SYN3: variants seen among roughly 807,000 people sequenced by gnomAD.
The protein encoded by SYN3 is synapsin III.
A neutral mutation model predicts 65.8 loss-of-function variants in SYN3; 35 were observed. The ratio of observed to expected loss-of-function variants is 0.53; its 90% CI spans 0.41 to 0.70. The LOEUF (loss-of-function observed/expected upper bound fraction) is 0.70. Among genes scored for constraint, SYN3 ranks in the 30% least tolerant of loss-of-function variants. The pLI, the probability that SYN3 is intolerant of heterozygous loss-of-function variation, is 0.00. For synonymous variants in SYN3, 270 were observed against 292.9 expected, an observed-to-expected ratio of 0.92 and a Z score of 0.80; for missense variants, 680 against 749.0, an observed-to-expected ratio of 0.91 and a Z score of 1.08.
intron 6 of SYN3, among the ~76,000 whole-genome samples, chr22:32,617,697 G>A (rs2059539710): frequency 6.6e-6 from 1 of 152,070 alleles, no homozygotes; most frequent in Non-Finnish European, 1.5e-5. Context: ...AGAATTTTTA[G>A]TAGGGGAATG....
chr22:32,602,537 C>T (rs929778641), intron 6 of SYN3, among the ~76,000 whole-genome samples: 2 of 152,212 alleles, frequency 1.3e-5, no homozygotes, highest in Non-Finnish European at 2.9e-5. Context: ...TCTCAGCTCA[C>T]TGCAACCTCC....
chr22:32,531,494 C>T (rs557788237), intron 10 of SYN3, among the ~76,000 whole-genome samples: 13 of 152,296 alleles, frequency 8.5e-5, no homozygotes, highest in Admixed American at 6.5e-4. Flanking sequence ...AGTGGCCACC[C>T]TCGTCTCCCC....
At chr22:32,938,836 A>G (rs2146741755) in intron 3 of SYN3, among the ~76,000 whole-genome samples, 1 of 152,116 alleles carries the variant, frequency 6.6e-6, no homozygotes, top group East Asian at 1.9e-4. Context: ...GCTGAGGCAC[A>G]AGAATCACTT....
rs144339107 is a variant in SYN3 at position 32,961,319 on chromosome 22, ATCTC to A, written c.369+19322_369+19325del. On this transcript the variant is annotated intron_variant, in intron 3 of 13. Transcript: ENST00000358763. ...CTAAGCGTATCTTCCTCTTTCTAGC[ATCTC>A]TCTCTCTCTCTCTCTCTCTTTCTCT... 5.3e-3 allele frequency among the ~76,000 whole-genome samples: 795 copies of A among 148,756 alleles called. 7 individuals carry two copies. Among genetic ancestry groups the A allele is most frequent in the African/African-American group, 0.018 (747 of 40,724 alleles).
intron 10 of SYN3, among the ~76,000 whole-genome samples, chr22:32,531,967 G>A (rs1427371687): frequency 1.3e-5 from 2 of 151,640 alleles, no homozygotes; most frequent in Non-Finnish European, 2.9e-5. Context: ...ATGGCTAAAG[G>A]CAGGAAGCCT....
At chr22:32,647,749 C>T (rs990307775) in intron 6 of SYN3, among the ~76,000 whole-genome samples, 8 of 152,292 alleles carry the variant, frequency 5.3e-5, no homozygotes, top group African/African-American at 1.9e-4. Context: ...GCTGGGATTA[C>T]AGGTGCGCGC....
intron 3 of SYN3, among the ~76,000 whole-genome samples, chr22:32,966,087 T>C (rs534695019): frequency 6.6e-6 from 1 of 152,312 alleles, no homozygotes; most frequent in African/African-American, 2.4e-5. Context: ...ATACTGTCCC[T>C]GTTCCCAATG....
chr22:32,785,620 C>G (rs975806300), intron 6 of SYN3, among the ~76,000 whole-genome samples: 1 of 152,180 alleles, frequency 6.6e-6, no homozygotes, highest in African/African-American at 2.4e-5. Context: ...CTGACATTTT[C>G]CCAGAGAGTG....
chr22:32,781,696 A>ATTG (rs1169297333), intron 6 of SYN3, among the ~76,000 whole-genome samples: 1 of 149,620 alleles, frequency 6.7e-6, no homozygotes, highest in Non-Finnish European at 1.5e-5. Context: ...TATTATTATT[A>ATTG]TTATTGTTGT....
intron 6 of SYN3, among the ~76,000 whole-genome samples, chr22:32,627,851 CAG>C (rs1333127660): frequency 7.9e-5 from 12 of 151,966 alleles, no homozygotes; most frequent in Non-Finnish European, 1.2e-4. Flanking sequence ...TGTTTTGAGA[CAG>C]AGTCTCACTC....
intron 3 of SYN3, among the ~76,000 whole-genome samples, chr22:32,976,717 C>A (rs1378454822): frequency 6.6e-6 from 1 of 152,156 alleles, no homozygotes; most frequent in Non-Finnish European, 1.5e-5. Context: ...CCTCCACGGG[C>A]CTCCCCAGGG....
chr22:32,910,654 C>A lies in SYN3; in HGVS notation c.461+20736G>T, dbSNP rs1863693. On this transcript the variant is annotated intron_variant, in intron 4 of 13. Transcript: ENST00000358763. ...TATTCGGTTGGTGCAAACGTAATTG[C>A]GCTTTTGCCATTGAAAGTAATGGCA... Among the ~76,000 whole-genome samples, 812 of 143,018 alleles carry A rather than the reference C, an allele frequency of 5.7e-3. 5 individuals are homozygous for A. The highest frequency in any genetic ancestry group is 0.029 in the Middle Eastern group (8 of 276). 93.8% of individuals were successfully genotyped at this position (143,018 alleles called of 152,430 possible).
intron 3 of SYN3, among the ~76,000 whole-genome samples, chr22:32,972,588 T>C (rs1252997969): frequency 6.6e-6 from 1 of 152,176 alleles, no homozygotes; most frequent in Non-Finnish European, 1.5e-5. Flanking sequence ...ATGCAGGAAT[T>C]GAAGGTAGAA....
chr22:32,791,324 G>A (rs1041855319), intron 6 of SYN3, among the ~76,000 whole-genome samples: 8 of 152,170 alleles, frequency 5.3e-5, no homozygotes, highest in South Asian at 4.1e-4. Context: ...CAATGCAGGA[G>A]GCTGGAGGAG....
chr22:32,859,451 G>T (rs1421013518), intron 6 of SYN3: 1 of 1,520,614 alleles, frequency 6.6e-7, no homozygotes, highest in South Asian at 1.2e-5. Flanking sequence ...CTTCCCAGAT[G>T]ATGACAATGA....
chr22:32,559,745 G>C (rs555851520), intron 7 of SYN3, among the ~76,000 whole-genome samples: 1 of 151,918 alleles, frequency 6.6e-6, no homozygotes, highest in African/African-American at 2.4e-5. Context: ...CAGGAGAATG[G>C]TGTGAACCTG....
At chr22:32,892,435 G>A (rs1393585880) in intron 4 of SYN3, among the ~76,000 whole-genome samples, 1 of 152,182 alleles carries the variant, frequency 6.6e-6, no homozygotes, top group African/African-American at 2.4e-5. Flanking sequence ...GTGATCCTTG[G>A]TTTTGTAGGA....
At chr22:32,614,365 A>G (rs1217531479) in intron 6 of SYN3, among the ~76,000 whole-genome samples, 1 of 152,194 alleles carries the variant, frequency 6.6e-6, no homozygotes, top group Non-Finnish European at 1.5e-5. Context: ...CCAAAGAGAG[A>G]GATGGACAAG....
chr22:32,997,557 G>C (rs1162664852), intron 2 of SYN3, among the ~76,000 whole-genome samples: 4 of 152,074 alleles, frequency 2.6e-5, no homozygotes, highest in Non-Finnish European at 1.5e-5. Flanking sequence ...ACCTTTAAAT[G>C]AGCTGACAGT....
Sources: allele counts gnomAD v4.1 joint callset (sites outside exome capture counted in the v4.1 genomes callset), GRCh38; gene constraint gnomAD v4.1.1; transcripts MANE v1.5; gene names NCBI Gene and HGNC (gene_info 2026-07-23, HGNC 2026-07-21).